KLHL17: variants seen among roughly 807,000 people sequenced by gnomAD.
KLHL17 encodes kelch like family member 17.
In KLHL17, 71 loss-of-function variants were observed where a neutral mutation model predicts 64.6. That is an observed-to-expected ratio of 1.10 (90% CI 0.91 to 1.34). The LOEUF is 1.34. Ranked by LOEUF, KLHL17 falls within the 40% of genes most tolerant of loss-of-function variation. The pLI is 0.00. For synonymous variants in KLHL17, 612 were observed against 405.4 expected (o/e 1.51, Z -6.12); for missense variants, 1,140 against 935.0 (o/e 1.22, Z -2.86).
chr1:963,035 C>T (rs757387761), intron 6 of KLHL17, 74 bp from the exon 7 acceptor site: 6 of 1,566,054 alleles, frequency 3.8e-6, no homozygotes, highest in South Asian at 2.3e-5. Context: ...CATTCAGGGG[C>T]CTCTCCAGGA....
chr1:962,585 C>T (rs1642708494), intron 5 of KLHL17, 114 bp downstream of exon 5: 5 of 1,524,844 alleles, frequency 3.3e-6, no homozygotes, highest in African/African-American at 1.4e-5. Flanking sequence ...GGTGGTGCCC[C>T]CACCTGTCTG....
rs2100424122 is a variant in KLHL17 at position 963,916 on chromosome 1, A to C, written c.1356-4A>C. ...AGCTGTGGCTGCGGTCCTGGTGCCC[A>C]CAGTGCTGAACGCTACGACCCCCTG... On this transcript the variant is annotated splice_region_variant and splice_polypyrimidine_tract_variant and intron_variant, in intron 8 of 11. Transcript: ENST00000338591. 1 of 1,612,016 alleles carries C rather than the reference A, an allele frequency of 6.2e-7. No homozygotes were observed. The highest frequency in any genetic ancestry group is 1.1e-5 in the South Asian group (1 of 91,068).
Position 961,709 on chromosome 1 carries a change from G to A in KLHL17, c.448G>A (p.Ala150Thr). ...PQALDQLVQF[A>T]YTAEIVVGEG... ...GGCCTTGGACCAGCTGGTGCAGTTT[G>A]CCTACACGGCTGAGATTGTGGTGGG... Residue 150 changes from alanine (A) to threonine (T), a missense_variant, in exon 3 of 12, where the codon GCC becomes ACC. Ala to Thr is a moderately conservative substitution (Grantham distance 58, BLOSUM62 0). Coordinates refer to ENST00000338591, the MANE Select transcript of KLHL17 (RefSeq NM_198317.3). 6.2e-7 allele frequency: 1 copy of A among 1,612,194 alleles called. No individual in the cohort carries two copies. The highest frequency in any genetic ancestry group is 1.1e-5 in the South Asian group (1 of 90,980).
chr1:963,788 C>T lies in KLHL17; in HGVS notation c.1356-132C>T, dbSNP rs952368533. On this transcript the variant is annotated intron_variant, in intron 8 of 11. Transcript: ENST00000338591. ...TCCTGTGCCCACCAGCGGGCCCTGC[C>T]TGGTAGGACTTTGCGGTCTGAGTTT... The T allele has an allele frequency of 1.0e-5, 11 of 1,094,482 alleles. No individual in the cohort carries two copies. In the East Asian group the frequency reaches 1.4e-4, roughly 14 times the overall value. The allele number at this position is 1,094,482 out of a possible 1,614,324, so 67.8% of individuals were successfully genotyped here.
At chr1:964,241 G>C in intron 10 of KLHL17, 61 bp downstream of exon 10, 2 of 1,603,476 alleles carry the variant, frequency 1.2e-6, no homozygotes, top group Non-Finnish European at 1.7e-6. Context: ...TCCTCCCTCT[G>C]TTTACCCACA....
chr1:962,348 C>G lies in KLHL17; in HGVS notation c.712-7C>G, dbSNP rs758764491. ...CAGATCTCAGGTCTGAGGACCCCCA[C>G]TCCCAGGTTCTGGAACTGGTCTCTA... On this transcript the variant is annotated splice_polypyrimidine_tract_variant and splice_region_variant and intron_variant, in intron 4 of 11. Transcript: ENST00000338591. 4 of 1,612,454 alleles carry G rather than the reference C, an allele frequency of 2.5e-6. No individual in the cohort carries two copies. The highest frequency in any genetic ancestry group is 2.2e-5 in the South Asian group (2 of 91,034).
At chr1:963,035 C>A in intron 6 of KLHL17, 74 bp from the exon 7 acceptor site, 1 of 1,566,052 alleles carries the variant, frequency 6.4e-7, no homozygotes, top group Non-Finnish European at 8.7e-7. Flanking sequence ...CATTCAGGGG[C>A]CTCTCCAGGA....
chr1:962,733 G>T lies in KLHL17; in HGVS notation c.858G>T (p.Leu286=). The part of the protein sequence containing the change: ...RLMKCVRLPL[L]SRDFLLGHVD... ...TGAAGTGTGTGCGGCTGCCCTTGCT[G>T]AGCCGCGACTTCCTGCTGGGCCACG... Residue 286 remains leucine (L), a synonymous_variant, in exon 6 of 12, where the codon CTG becomes CTT. Transcript: ENST00000338591. The T allele has an allele frequency of 6.2e-7, 1 of 1,608,788 alleles. No individual in the cohort carries two copies. Among genetic ancestry groups the T allele is most frequent in the South Asian group, 1.1e-5 (1 of 90,892 alleles).
rs373765394 is a variant in KLHL17, at chr1:964,990, C to T, written c.1728C>T (p.Asp576=). 49 of 1,611,096 alleles carry T rather than the reference C, an allele frequency of 3.0e-5. 1 individual carries two copies. In the African/African-American group the frequency reaches 4.7e-4, roughly 15 times the overall value. The change falls in exon 12 of 12, where the codon GAC becomes GAT. Residue 576 remains aspartate (D), a synonymous_variant. Transcript: ENST00000338591. The part of the protein sequence containing the change: ...RRSTHDLVAM[D]GWLYAVGGND... Reference sequence around the variant, plus strand: ...GCACGCATGACCTGGTGGCCATGGACGGATGGTTGTACGCCGTGGGGGGTA... The same window carrying T: ...GCACGCATGACCTGGTGGCCATGGATGGATGGTTGTACGCCGTGGGGGGTA...
rs763612003 is a variant in KLHL17 at position 963,960 on chromosome 1, G to A, written c.1396G>A (p.Val466Ile). Residue 466 changes from valine (V) to isoleucine (I), a missense_variant, in exon 9 of 12, where the codon GTC becomes ATC. Coordinates refer to ENST00000338591, the MANE Select transcript of KLHL17 (RefSeq NM_198317.3). Reference sequence around the variant, plus strand: ...CCCCCTGACCGGAACGTGGACGTCCGTCGCTGCCATGAGCACCCGGAGGCG... The same window carrying A: ...CCCCCTGACCGGAACGTGGACGTCCATCGCTGCCATGAGCACCCGGAGGCG... ...YDPLTGTWTS[V>I]AAMSTRRRYV... is the part of the protein sequence containing the mutation. 7 of 1,612,420 alleles carry A rather than the reference G, an allele frequency of 4.3e-6. No homozygotes were observed. Among genetic ancestry groups the A allele is most frequent in the Admixed American group, 1.7e-5 (1 of 60,002 alleles).
At position 965,494 on chromosome 1, in the gene KLHL17, G is replaced by A; in HGVS notation, c.*303G>A. The stretch of plus-strand genomic sequence containing the variant: ...CAGGGCCGTTGCCTGCTCAGACCTT[G>A]CAGGCTGTGGAGCAAGAGGCCCTGG... On this transcript the variant is annotated 3_prime_UTR_variant, in exon 12 of 12. Coordinates refer to ENST00000338591, the MANE Select transcript of KLHL17 (RefSeq NM_198317.3). 1 of 419,590 alleles carries A rather than the reference G, an allele frequency of 2.4e-6. No individual in the cohort carries two copies. 26.0% of individuals were successfully genotyped at this position (419,590 alleles called of 1,614,324 possible). A position where few individuals can be genotyped will look rare whatever the true frequency, so the allele number is the denominator to read the frequency against.
rs757536123 is a variant in KLHL17, at chr1:961,993, G to C, written c.657G>C (p.Gln219His). 6.2e-7 allele frequency: 1 copy of C among 1,612,936 alleles called. No individual in the cohort carries two copies. Among genetic ancestry groups the C allele is most frequent in the East Asian group, 2.2e-5 (1 of 44,884 alleles). ...AGGCCGCCCACAGGTACGTGCTGCA[G>C]CACTTCGTGGACGTGGCCAAGACCG... ...LLKAAHRYVL[Q>H]HFVDVAKTEE... is the part of the protein sequence containing the mutation. Residue 219 changes from glutamine (Q) to histidine (H), a missense_variant, in exon 4 of 12, where the codon CAG becomes CAC. Transcript: ENST00000338591.
rs1364637146 is a variant in KLHL17, at chr1:961,317, C to T, written c.132C>T (p.Pro44=). The change falls in exon 2 of 12, where the codon CCC becomes CCT. Residue 44 remains proline (P), a synonymous_variant. Coordinates refer to ENST00000338591, the MANE Select transcript of KLHL17 (RefSeq NM_198317.3). ...PPAPEAERTR[P]RQARPAAPME... ...GCCCCGAGGCAGAGCGCACGCGGCC[C>T]CGGCAGGCTCGGCCCGCAGCCCCCA... 6.5e-6 allele frequency: 10 copies of T among 1,531,118 alleles called. No homozygotes were observed. The highest frequency in any genetic ancestry group is 2.4e-5 in the South Asian group (2 of 84,496). The allele number at this position is 1,531,118 out of a possible 1,614,324, so 94.8% of individuals were successfully genotyped here. A position where few individuals can be genotyped will look rare whatever the true frequency, so the allele number is the denominator to read the frequency against.
chr1:964,345 C>A lies in KLHL17; in HGVS notation c.1519-4C>A. 6.4e-7 allele frequency: 1 copy of A among 1,556,086 alleles called. No individual in the cohort carries two copies. On this transcript the variant is annotated splice_polypyrimidine_tract_variant and splice_region_variant and intron_variant, in intron 10 of 11. Transcript: ENST00000338591. ...CTGCGTCCAGCCCACGCCCTCGCCC[C>A]CAGGTGAACGTGTGGTCGCCCGTGG...
rs755503835 is a variant in KLHL17, at chr1:961,503, C to T, written c.318C>T (p.His106=). 8.7e-6 allele frequency: 14 copies of T among 1,612,460 alleles called. No individual in the cohort carries two copies. Among genetic ancestry groups the T allele is most frequent in the Non-Finnish European group, 1.7e-6 (2 of 1,179,960 alleles). The change falls in exon 2 of 12, where the codon CAC becomes CAT. Residue 106 remains histidine, a synonymous_variant. Coordinates refer to ENST00000338591, the MANE Select transcript of KLHL17 (RefSeq NM_198317.3). Reference sequence around the variant, plus strand: ...TGGCTGCCAAGGAGATCCGTGCGCACAAAGTGGTGCTGGCCTCCTGCAGCC... The same window carrying T: ...TGGCTGCCAAGGAGATCCGTGCGCATAAAGTGGTGCTGGCCTCCTGCAGCC... ...LHVAAKEIRA[H]KVVLASCSPY...
At chr1:964,751 C>T (rs1189734889) in intron 11 of KLHL17, among the ~76,000 whole-genome samples, 2 of 4,096 alleles carry the variant, frequency 4.9e-4, no homozygotes, top group Non-Finnish European at 8.5e-4. Flanking sequence ...GGCGCGGGTC[C>T]GCAGTGGGGA....
chr1:964,339 T>TCGCCCC lies in KLHL17; in HGVS notation c.1519-8_1519-3dup. The TCGCCCC allele has an allele frequency of 6.5e-7, 1 of 1,546,886 alleles. No homozygotes were observed. The highest frequency in any genetic ancestry group is 8.7e-7 in the Non-Finnish European group (1 of 1,149,666). On this transcript the variant is annotated splice_polypyrimidine_tract_variant and intron_variant, in intron 10 of 11. Coordinates refer to ENST00000338591, the MANE Select transcript of KLHL17 (RefSeq NM_198317.3). ...GCGGGTCTGCGTCCAGCCCACGCCC[T>TCGCCCC]CGCCCCCAGGTGAACGTGTGGTCGC...
In KLHL17 at chr1:961,869, G is replaced by A. The variant is rs1341635531; in HGVS notation, c.533G>A (p.Arg178Gln). 3 of 1,611,984 alleles carry A rather than the reference G, an allele frequency of 1.9e-6. No individual in the cohort carries two copies. Among genetic ancestry groups the A allele is most frequent in the Middle Eastern group, 1.6e-4 (1 of 6,062 alleles). The change falls in exon 4 of 12, where the codon CGA (arginine) becomes CAA (glutamine). Residue 178 changes from arginine (R) to glutamine (Q), a missense_variant. By Grantham distance (43) the Arg-to-Gln change is conservative. Transcript: ENST00000338591. ...AASLLQLNGV[R>Q]DACCKFLLSQ... ...AGTCTCCTGCAGCTGAATGGCGTCC[G>A]AGACGCTTGCTGCAAGTTTCTACTG...
intron 1 of KLHL17, chr1:961,026 G>C (rs987742711): frequency 4.5e-6 from 1 of 222,014 alleles, no homozygotes; most frequent in Non-Finnish European, 7.5e-6. Flanking sequence ...ACGCGGAGGA[G>C]CTGAGCTCGT....
Sources: gnomAD v4.1 joint callset for allele counts (sites outside exome capture counted in the v4.1 genomes callset) on GRCh38, gnomAD v4.1.1 for gene constraint, MANE v1.5 for transcripts, NCBI Gene and HGNC (gene_info 2026-07-23, HGNC 2026-07-21) for gene names.